The following FAF1 variants were observed in gnomAD, a reference collection of about 807,000 sequenced individuals.
FAF1 encodes FAS-associated factor 1.
In FAF1, 25 loss-of-function variants were observed where a neutral mutation model predicts 92.5. The observed-to-expected ratio is 0.27, with a 90% CI of 0.20 to 0.38. The LOEUF (loss-of-function observed/expected upper bound fraction) is 0.38, where lower values mean the gene tolerates loss of function less well. FAF1 is among the 10% of genes least tolerant of loss of function. The pLI, the probability that FAF1 is intolerant of heterozygous loss-of-function variation, is 1.00. For missense variants in FAF1, 636 were observed against 793.3 expected (o/e 0.80, Z 2.38); for synonymous variants, 234 against 273.2 (o/e 0.86, Z 1.42).
At chr1:50,641,735 A>G (rs1208801386) in intron 8 of FAF1, among the ~76,000 whole-genome samples, 1 of 152,188 alleles carries the variant, frequency 6.6e-6, no homozygotes, top group East Asian at 1.9e-4. Context: ...ATTCTTACCT[A>G]TCATTTTTCT....
intron 6 of FAF1, among the ~76,000 whole-genome samples, chr1:50,718,009 T>C (rs1044337449): frequency 4.7e-5 from 7 of 150,116 alleles, no homozygotes; most frequent in Non-Finnish European, 1.0e-4. Context: ...ATTTATTTAT[T>C]TATTTATTTA....
intron 7 of FAF1, among the ~76,000 whole-genome samples, chr1:50,662,997 G>A (rs1039571575): frequency 2.0e-5 from 3 of 151,548 alleles, no homozygotes; most frequent in Non-Finnish European, 4.4e-5. Flanking sequence ...ACCCAGCCAT[G>A]AATTTGTATC....
intron 8 of FAF1, among the ~76,000 whole-genome samples, chr1:50,598,821 T>C (rs1651954890): frequency 6.6e-6 from 1 of 151,986 alleles, no homozygotes; most frequent in South Asian, 2.1e-4. Flanking sequence ...ATACAAAAAA[T>C]TAGCCGGGCA....
At chr1:50,957,562 C>T (rs1645279187) in intron 1 of FAF1, among the ~76,000 whole-genome samples, 1 of 151,876 alleles carries the variant, frequency 6.6e-6, no homozygotes, top group Non-Finnish European at 1.5e-5. Flanking sequence ...GCCATGTTCA[C>T]CAGGATGGTC....
chr1:50,645,703 G>C (rs1157322158), intron 8 of FAF1, among the ~76,000 whole-genome samples: 1 of 152,028 alleles, frequency 6.6e-6, no homozygotes, highest in Non-Finnish European at 1.5e-5. Flanking sequence ...CCTGCCTGTA[G>C]TCCCAGCTAC....
intron 1 of FAF1, among the ~76,000 whole-genome samples, chr1:50,898,483 GA>G (rs1358595283): frequency 1.3e-5 from 2 of 152,080 alleles, no homozygotes; most frequent in African/African-American, 4.8e-5. Flanking sequence ...ATCCTTGAAT[GA>G]AAAACACAGC....
At chr1:50,777,500 A>G (rs141282493) in intron 4 of FAF1, among the ~76,000 whole-genome samples, 1 of 152,334 alleles carries the variant, frequency 6.6e-6, no homozygotes, top group African/African-American at 2.4e-5. Context: ...TCATTATTAT[A>G]TATTTCCTAA....
At chr1:50,545,085 G>A (rs980312347) in intron 13 of FAF1, among the ~76,000 whole-genome samples, 7 of 151,442 alleles carry the variant, frequency 4.6e-5, no homozygotes, top group East Asian at 1.9e-4. Context: ...AATAACAAAC[G>A]GGGAAATTTT....
At position 50,560,408 on chromosome 1, in the gene FAF1, C is replaced by T. The variant is rs142369986; in HGVS notation, c.1268+6669G>A. On this transcript the variant is annotated intron_variant, in intron 13 of 18. Transcript: ENST00000396153. ...CACCCAAGGGCATTAAGTTCAAAAG[C>T]TAATACTGACAGGCACAGAATTCTG... Among the ~76,000 whole-genome samples the T allele has an allele frequency of 3.3e-3, 503 of 152,296 alleles. 4 individuals are homozygous for T. Among genetic ancestry groups the T allele is most frequent in the African/African-American group, 0.011 (452 of 41,564 alleles).
intron 12 of FAF1, among the ~76,000 whole-genome samples, chr1:50,568,251 T>G (rs1650259727): frequency 6.6e-6 from 1 of 152,094 alleles, no homozygotes; most frequent in African/African-American, 2.4e-5. Context: ...ATCTTTGAAA[T>G]TCTGTCAAAG....
rs529013578 is a variant in FAF1, at chr1:50,475,482, G to A, written c.1851C>T (p.Ser617=). The stretch of plus-strand genomic sequence containing the variant: ...AACTTACGTCTCTCCTAGGAAAGGT[G>A]CTCAGTAACTTGTACTCATCCCATG... ...GFPWDEYKLL[S]TFPRRDVTQL... is the part of the protein sequence containing the mutation. The change falls in exon 18 of 19, where the codon AGC becomes AGT. Residue 617 remains serine, a synonymous_variant. Coordinates refer to ENST00000396153, the MANE Select transcript of FAF1 (RefSeq NM_007051.3). 6.2e-7 allele frequency: 1 copy of A among 1,613,292 alleles called. No individual in the cohort carries two copies. The highest frequency in any genetic ancestry group is 8.5e-7 in the Non-Finnish European group (1 of 1,179,298).
At chr1:50,764,981 A>G (rs1050152481) in intron 4 of FAF1, among the ~76,000 whole-genome samples, 6 of 152,226 alleles carry the variant, frequency 3.9e-5, no homozygotes, top group African/African-American at 1.4e-4. Flanking sequence ...AAACCAAGTT[A>G]TTACCATAAA....
intron 7 of FAF1, among the ~76,000 whole-genome samples, chr1:50,656,714 C>T (rs1655128766): frequency 1.3e-5 from 2 of 151,944 alleles, no homozygotes; most frequent in African/African-American, 4.8e-5. Flanking sequence ...AAAACCTTGT[C>T]TCTATGAAAA....
intron 8 of FAF1, among the ~76,000 whole-genome samples, chr1:50,617,081 TCAGCAAAGAGATA>T (rs1490539835): frequency 6.6e-6 from 1 of 152,230 alleles, no homozygotes; most frequent in Non-Finnish European, 1.5e-5. Context: ...AATCATATCA[TCAGCAAAGAGATA>T]CAGTTTGACT....
intron 17 of FAF1, among the ~76,000 whole-genome samples, chr1:50,479,264 C>T: frequency 6.9e-6 from 1 of 144,388 alleles, no homozygotes; most frequent in East Asian, 1.9e-4. Context: ...GCTCTACCTT[C>T]CTCTCTGGAT....
At chr1:50,847,542 T>C (rs913143326) in intron 2 of FAF1, among the ~76,000 whole-genome samples, 2 of 150,848 alleles carry the variant, frequency 1.3e-5, no homozygotes, top group African/African-American at 4.9e-5. Flanking sequence ...TTACTAGAGC[T>C]ACAGAAATTA....
At chr1:50,878,364 A>C (rs866554980) in intron 1 of FAF1, among the ~76,000 whole-genome samples, 1 of 152,310 alleles carries the variant, frequency 6.6e-6, no homozygotes. Flanking sequence ...TATTACTCAA[A>C]AGCCAAAGAA....
chr1:50,922,489 A>G (rs1644972690), intron 1 of FAF1, among the ~76,000 whole-genome samples: 1 of 140,306 alleles, frequency 7.1e-6, no homozygotes, highest in African/African-American at 2.6e-5. Flanking sequence ...AAAAGAAAAG[A>G]GAGAGAGAAG....
chr1:50,727,883 A>G (rs6668519), intron 6 of FAF1, among the ~76,000 whole-genome samples: 71,675 of 151,970 alleles, frequency 0.47, 19,154 homozygotes, highest in African/African-American at 0.72. Context: ...GTTTGCCAGG[A>G]GCTCTCGGAC....
Sources: gnomAD v4.1 joint callset for allele counts (sites outside exome capture counted in the v4.1 genomes callset) on GRCh38, gnomAD v4.1.1 for gene constraint, MANE v1.5 for transcripts, NCBI Gene and HGNC (gene_info 2026-07-23, HGNC 2026-07-21) for gene names.